Variants in PYCR2 observed in about 807,000 individuals in gnomAD.
PYCR2 encodes the protein pyrroline-5-carboxylate reductase 2.
In PYCR2, 17 loss-of-function variants were observed where a neutral mutation model predicts 23.4. The ratio of observed to expected loss-of-function variants is 0.73; its 90% confidence interval spans 0.50 to 1.09. The LOEUF (loss-of-function observed/expected upper bound fraction) is 1.09. Ranked by LOEUF, PYCR2 falls within the 50% of genes least tolerant of loss-of-function variation. The pLI is 0.00. For missense variants in PYCR2, 380 were observed against 423.5 expected (o/e 0.90, Z 0.90); for synonymous variants, 172 against 176.6 (o/e 0.97, Z 0.21).
chr1:225,924,007 C>T lies in PYCR2; in HGVS notation c.67+37G>A, dbSNP rs577500336. On this transcript the variant is annotated intron_variant, in intron 1 of 6. Coordinates refer to ENST00000343818, the MANE Select transcript of PYCR2 (RefSeq NM_013328.4). ...ACGGAGGCCCCCTCGGGCCTCGGGA[C>T]CGCCCGCGAAGCCGCCTCCCGCCTC... The T allele has an allele frequency of 1.5e-5, 23 of 1,533,204 alleles. No individual in the cohort carries two copies. In the South Asian group the frequency reaches 2.7e-4, roughly 18 times the overall value. The allele number at this position is 1,533,204 out of a possible 1,614,324, so 95.0% of individuals were successfully genotyped here.
Position 225,921,441 on chromosome 1 carries a change from C to T in PYCR2, c.634-70G>A, listed in dbSNP as rs1242141818. 6 of 1,529,212 alleles carry T rather than the reference C, an allele frequency of 3.9e-6. No individual in the cohort carries two copies. In the African/African-American group the frequency reaches 6.9e-5, roughly 17 times the overall value. 94.7% of individuals were successfully genotyped at this position (1,529,212 alleles called of 1,614,324 possible). On this transcript the variant is annotated intron_variant, in intron 5 of 6. Coordinates refer to ENST00000343818, the MANE Select transcript of PYCR2 (RefSeq NM_013328.4). The surrounding 1 kb of genome is among the most constrained non-coding windows in gnomAD (Gnocchi z 4.2). ...GAACAGGCTTCCCATACCCACTGCT[C>T]CTGCCCAACTGCTACCCCAGCTTCC...
rs1321958678 is a variant in PYCR2, at chr1:225,921,029, T to C, written c.797+179A>G. Among the ~76,000 whole-genome samples the C allele has an allele frequency of 6.6e-6, 1 of 152,192 alleles. No homozygotes were observed. Among genetic ancestry groups the C allele is most frequent in the Admixed American group, 6.5e-5 (1 of 15,276 alleles). On this transcript the variant is annotated intron_variant, in intron 6 of 6. Coordinates refer to ENST00000343818, the MANE Select transcript of PYCR2 (RefSeq NM_013328.4). This position sits in a 1 kb window ranked among gnomAD's most constrained non-coding sequence, Gnocchi z 4.2. The stretch of plus-strand genomic sequence containing the variant: ...GAAATGCAGTGAGAATTAAGTGAAG[T>C]AAGGCTTGCAAACTCTTAGGTAAAC...
rs370168043 is a variant in PYCR2, at chr1:225,924,160, G to A, written c.-50C>T. On this transcript the variant is annotated 5_prime_UTR_variant, in exon 1 of 7. Coordinates refer to ENST00000343818, the MANE Select transcript of PYCR2 (RefSeq NM_013328.4). Reference sequence around the variant, plus strand: ...AGCCGCACGAACCCCCTCAGCGAGGGACCGGAAGTAACGCTAGGGGAAGGG... The same window carrying A: ...AGCCGCACGAACCCCCTCAGCGAGGAACCGGAAGTAACGCTAGGGGAAGGG... The A allele has an allele frequency of 4.0e-6, 6 of 1,515,506 alleles. No individual in the cohort carries two copies. The highest frequency in any genetic ancestry group is 1.8e-4 in the Middle Eastern group (1 of 5,566). 93.9% of individuals were successfully genotyped at this position (1,515,506 alleles called of 1,614,324 possible).
At chr1:225,922,664 C>G in intron 2 of PYCR2, 3 of 444,330 alleles carry the variant, frequency 6.8e-6, no homozygotes, top group South Asian at 6.0e-5. Context: ...AGGCACTCCT[C>G]TGCCAGGTAA....
At chr1:225,924,018 G>GCCGCCTCCCGCCTC (rs3830909) in intron 1 of PYCR2, 26 bp downstream of exon 1, 4 of 1,534,646 alleles carry the variant, frequency 2.6e-6, no homozygotes, top group Admixed American at 2.0e-5. Flanking sequence ...CGCCCGCGAA[G>GCCGCCTCCCGCCTC]CCGCCTCCCG....
intron 2 of PYCR2, 191 bp downstream of exon 2, chr1:225,923,510 T>C: frequency 2.1e-6 from 3 of 1,430,588 alleles, no homozygotes; most frequent in Non-Finnish European, 2.7e-6. Context: ...CCCCCAGTTA[T>C]GTCTCCCTGG....
Position 225,921,885 on chromosome 1 carries a change from C to T in PYCR2, c.513G>A (p.Thr171=), listed in dbSNP as rs767388296. The part of the protein sequence containing the change: ...EVEEDLIDAV[T]GLSGSGPAYA... ...AGGCAGGCCCGCTGCCACTGAGCCCCGTGACGGCATCGATGAGGTCCTCTT... is the reference window on the plus strand; with the variant it reads ...AGGCAGGCCCGCTGCCACTGAGCCCTGTGACGGCATCGATGAGGTCCTCTT... Residue 171 remains threonine, a synonymous_variant, in exon 4 of 7, where the codon ACG becomes ACA. Coordinates refer to ENST00000343818, the MANE Select transcript of PYCR2 (RefSeq NM_013328.4). This position sits in a 1 kb window ranked among gnomAD's most constrained non-coding sequence, Gnocchi z 4.2. The T allele has an allele frequency of 8.1e-5, 130 of 1,613,110 alleles. No individual in the cohort carries two copies. Among genetic ancestry groups the T allele is most frequent in the Admixed American group, 6.7e-5 (4 of 60,004 alleles).
intron 2 of PYCR2, 24 bp from the exon 3 acceptor site, chr1:225,922,407 A>T: frequency 1.9e-6 from 3 of 1,600,080 alleles, no homozygotes; most frequent in Non-Finnish European, 2.6e-6. Flanking sequence ...CTCCCAGCTC[A>T]CAGTGCTGGA....
chr1:225,921,461 G>A lies in PYCR2; in HGVS notation c.634-90C>T, dbSNP rs537988466. Reference sequence around the variant, plus strand: ...CTGCTCCTGCCCAACTGCTACCCCAGCTTCCCAACCAACTCCCACCTCAGT... The same window carrying A: ...CTGCTCCTGCCCAACTGCTACCCCAACTTCCCAACCAACTCCCACCTCAGT... On this transcript the variant is annotated intron_variant, in intron 5 of 6. Transcript: ENST00000343818. This position sits in a 1 kb window ranked among gnomAD's most constrained non-coding sequence, Gnocchi z 4.2. 17 of 1,558,816 alleles carry A rather than the reference G, an allele frequency of 1.1e-5. No homozygotes were observed. The South Asian group carries it at 1.6e-4, about 14-fold the overall frequency.
At position 225,924,215 on chromosome 1, in the gene PYCR2, G is replaced by A. The variant is rs1671936277; in HGVS notation, c.-105C>T. 6 of 1,290,266 alleles carry A rather than the reference G, an allele frequency of 4.7e-6. No individual in the cohort carries two copies. In the South Asian group the frequency reaches 5.8e-5, roughly 12 times the overall value. The allele number at this position is 1,290,266 out of a possible 1,614,324, so 79.9% of individuals were successfully genotyped here. On this transcript the variant is annotated 5_prime_UTR_variant, in exon 1 of 7. Transcript: ENST00000343818. ...CAGCGCAGGGGCGAACGGGCGGCGT[G>A]CCGAGGACCGGCGAGCTAACAGCAG...
intron 1 of PYCR2, 98 bp from the exon 2 acceptor site, chr1:225,923,869 C>T: frequency 6.5e-7 from 1 of 1,548,130 alleles, no homozygotes; most frequent in Non-Finnish European, 8.8e-7. Flanking sequence ...CAGTGCCAGT[C>T]TCCCTCTCCC....
At chr1:225,923,485 A>G (rs1671905834) in intron 2 of PYCR2, 2 of 1,410,992 alleles carry the variant, frequency 1.4e-6, no homozygotes, top group African/African-American at 2.9e-5. Flanking sequence ...CTACCACTCC[A>G]GTGTCTGGAT....
In PYCR2 at chr1:225,921,552, C is replaced by A; in HGVS notation, c.633G>T (p.Leu211=). 1.2e-6 allele frequency: 2 copies of A among 1,614,196 alleles called. No homozygotes were observed. Among genetic ancestry groups the A allele is most frequent in the Non-Finnish European group, 1.7e-6 (2 of 1,180,010 alleles). ...LAIQLGAQAL[L]GAAKMLLDSE... is the part of the protein sequence containing the mutation. ...GAACATGCGGGGGAAAGATACTGAC[C>A]AGCAAAGCCTGGGCCCCGAGTTGGA... The change falls in exon 5 of 7, where the codon CTG becomes CTT. Residue 211 remains leucine (L), a splice_region_variant and synonymous_variant. Transcript: ENST00000343818. The surrounding 1 kb of genome is among the most constrained non-coding windows in gnomAD (Gnocchi z 4.2).
At chr1:225,922,612 G>C in intron 2 of PYCR2, 1 of 532,194 alleles carries the variant, frequency 1.9e-6, no homozygotes. Context: ...ATGGTAACCA[G>C]GAAGTGGCTG....
Position 225,921,234 on chromosome 1 carries a change from T to C in PYCR2, c.771A>G (p.Ala257=), listed in dbSNP as rs1671827747. The change falls in exon 6 of 7, where the codon GCA becomes GCG. Residue 257 remains alanine, a synonymous_variant. Transcript: ENST00000343818. The surrounding 1 kb of genome is among the most constrained non-coding windows in gnomAD (Gnocchi z 4.2). ...SGGFRSLLIN[A]VEASCIRTRE... ...GTGTTCGGATACAGGAGGCCTCAAC[T>C]GCATTGATGAGCAGAGAGCGGAAGC... 4 of 1,614,000 alleles carry C rather than the reference T, an allele frequency of 2.5e-6. No individual in the cohort carries two copies. Among genetic ancestry groups the C allele is most frequent in the Non-Finnish European group, 2.5e-6 (3 of 1,179,938 alleles).
At chr1:225,920,878 C>G (rs779013099) in intron 6 of PYCR2, among the ~76,000 whole-genome samples, 8 of 152,194 alleles carry the variant, frequency 5.3e-5, no homozygotes, top group Non-Finnish European at 1.0e-4. Context: ...GGAAGAGTGA[C>G]AGGCTTTGGA....
chr1:225,923,136 G>A (rs1255609103), intron 2 of PYCR2: 6 of 668,008 alleles, frequency 9.0e-6, no homozygotes, highest in African/African-American at 2.0e-5. Flanking sequence ...ATGGCTGAGC[G>A]CAGTGGCTCA....
rs1671799709 is a variant in PYCR2 at position 225,920,175 on chromosome 1, A to G, written c.*280T>C. 4.5e-6 allele frequency: 1 copy of G among 220,810 alleles called. No homozygotes were observed. Among genetic ancestry groups the G allele is most frequent in the Non-Finnish European group, 8.9e-6 (1 of 112,852 alleles). The allele number at this position is 220,810 out of a possible 1,614,324, so 13.7% of individuals were successfully genotyped here. A position where few individuals can be genotyped will look rare whatever the true frequency, so the allele number is the denominator to read the frequency against. On this transcript the variant is annotated 3_prime_UTR_variant, in exon 7 of 7. Coordinates refer to ENST00000343818, the MANE Select transcript of PYCR2 (RefSeq NM_013328.4). ...CTGGGCTGACTCCAGTCCCAGCCCC[A>G]GTCTCCACCAACTGAGCAGCGTACG... is the stretch of plus-strand genomic sequence containing the variant.
At chr1:225,922,513 C>T (rs1576147955) in intron 2 of PYCR2, 130 bp from the exon 3 acceptor site, 10 of 908,730 alleles carry the variant, frequency 1.1e-5, no homozygotes, top group Non-Finnish European at 1.7e-5. Flanking sequence ...TTTATGCCCT[C>T]AGGGTTCTAC....
Sources: gnomAD v4.1 joint callset for allele counts (sites outside exome capture counted in the v4.1 genomes callset) on GRCh38, gnomAD v4.1.1 for gene constraint, Gnocchi (gnomAD v3.1) non-coding constraint, MANE v1.5 for transcripts, NCBI Gene and HGNC (gene_info 2026-07-23, HGNC 2026-07-21) for gene names.